ANO2: variants seen among roughly 807,000 people sequenced by gnomAD.
The protein encoded by ANO2 is anoctamin 2.
A neutral mutation model predicts 124.2 loss-of-function variants in ANO2; 101 were observed. The observed-to-expected ratio is 0.81, with a 90% CI of 0.69 to 0.96. The LOEUF is 0.96. Ranked by LOEUF, ANO2 falls within the 40% of genes least tolerant of loss-of-function variation. The pLI is 0.00. For synonymous variants in ANO2, 486 were observed against 482.5 expected (o/e 1.01, Z -0.09); for missense variants, 1,293 against 1,274.5 (o/e 1.01, Z -0.22).
At chr12:5,748,289 G>T (rs1236910178) in intron 11 of ANO2, among the ~76,000 whole-genome samples, 2 of 152,192 alleles carry the variant, frequency 1.3e-5, no homozygotes, top group African/African-American at 4.8e-5. Context: ...CCCACCCACT[G>T]CACTGGCACG....
intron 10 of ANO2, among the ~76,000 whole-genome samples, chr12:5,771,233 T>C (rs1369740628): frequency 1.3e-5 from 2 of 152,182 alleles, no homozygotes. Context: ...AGGTGGGTTA[T>C]AAAGCCTATC....
chr12:5,923,956 T>C (rs1941959231), intron 1 of ANO2, among the ~76,000 whole-genome samples: 1 of 152,168 alleles, frequency 6.6e-6, no homozygotes, highest in Non-Finnish European at 1.5e-5. Context: ...ATCTCAAACT[T>C]GCAGGATTGC....
At chr12:5,799,718 C>T (rs185158223) in intron 9 of ANO2, 147 bp from the exon 10 acceptor site, 40 of 721,576 alleles carry the variant, frequency 5.5e-5, no homozygotes, top group Admixed American at 4.0e-4. Flanking sequence ...TGTTCAGAAT[C>T]GGGAGGCTAT....
chr12:5,739,313 T>C lies in ANO2; in HGVS notation c.1434+4A>G. The C allele has an allele frequency of 6.3e-7, 1 of 1,595,758 alleles. No individual in the cohort carries two copies. Among genetic ancestry groups the C allele is most frequent in the Non-Finnish European group, 8.5e-7 (1 of 1,170,398 alleles). On this transcript the variant is annotated splice_donor_region_variant and intron_variant, in intron 13 of 24. Transcript: ENST00000682330. ...GTATGTGAGAAATACGTGAGAGAAC[T>C]CACTTCTTCCTCTTCTATGCCAGTC... is the stretch of plus-strand genomic sequence containing the variant.
At chr12:5,792,235 G>A (rs1952718310) in intron 10 of ANO2, among the ~76,000 whole-genome samples, 1 of 152,188 alleles carries the variant, frequency 6.6e-6, no homozygotes, top group African/African-American at 2.4e-5. Context: ...CTGGTCTAAA[G>A]GAATGTCCCC....
chr12:5,941,868 C>G (rs1299763210), intron 1 of ANO2, among the ~76,000 whole-genome samples: 1 of 152,070 alleles, frequency 6.6e-6, no homozygotes, highest in African/African-American at 2.4e-5. Context: ...AGGGCTGGGG[C>G]TGGGGGTGGA....
chr12:5,935,662 G>A (rs1393691468), intron 1 of ANO2, among the ~76,000 whole-genome samples: 1 of 152,166 alleles, frequency 6.6e-6, no homozygotes, highest in East Asian at 1.9e-4. Context: ...ATTCTGTGTG[G>A]AGAAGGAGCC....
intron 16 of ANO2, among the ~76,000 whole-genome samples, chr12:5,633,604 T>C: frequency 6.6e-6 from 1 of 151,884 alleles, no homozygotes. Flanking sequence ...AAAAAACACG[T>C]TCTGGTCAAC....
At chr12:5,926,578 C>T (rs12372694) in intron 1 of ANO2, among the ~76,000 whole-genome samples, 12,948 of 151,834 alleles carry the variant, frequency 0.085, 604 homozygotes, top group Middle Eastern at 0.12. Flanking sequence ...CTGGACCATG[C>T]TTCCCTACAC....
intron 23 of ANO2, among the ~76,000 whole-genome samples, chr12:5,571,370 CA>C (rs1942106307): frequency 6.6e-6 from 1 of 152,242 alleles, no homozygotes; most frequent in Non-Finnish European, 1.5e-5. Context: ...AGCATCGCTC[CA>C]AAATGCTGGG....
At chr12:5,883,006 C>A (rs1938608599) in intron 3 of ANO2, among the ~76,000 whole-genome samples, 1 of 152,122 alleles carries the variant, frequency 6.6e-6, no homozygotes, top group Non-Finnish European at 1.5e-5. Flanking sequence ...CTGTGGCTTC[C>A]CTGCCAGGGT....
chr12:5,591,616 C>T (rs750880609), intron 20 of ANO2, among the ~76,000 whole-genome samples: 1 of 152,114 alleles, frequency 6.6e-6, no homozygotes, highest in Admixed American at 6.5e-5. Context: ...TGGGAGAGAT[C>T]GTTCTCCTTG....
intron 14 of ANO2, among the ~76,000 whole-genome samples, chr12:5,683,789 G>A (rs1205292904): frequency 6.6e-6 from 1 of 152,048 alleles, no homozygotes; most frequent in Non-Finnish European, 1.5e-5. Context: ...ACTCAGTGAG[G>A]ACAGGGCAGG....
intron 16 of ANO2, among the ~76,000 whole-genome samples, chr12:5,629,607 C>G (rs1349485297): frequency 6.6e-6 from 1 of 152,186 alleles, no homozygotes; most frequent in African/African-American, 2.4e-5. Flanking sequence ...GCTTCCTCCC[C>G]TAGGACCCGG....
intron 3 of ANO2, among the ~76,000 whole-genome samples, chr12:5,857,245 T>A (rs1457226708): frequency 6.6e-6 from 1 of 152,172 alleles, no homozygotes; most frequent in Non-Finnish European, 1.5e-5. Context: ...CTTTTAGGCA[T>A]AGTAGGGGAG....
intron 7 of ANO2, among the ~76,000 whole-genome samples, chr12:5,821,534 G>T (rs1269086705): frequency 3.3e-5 from 5 of 152,234 alleles, no homozygotes; most frequent in African/African-American, 1.2e-4. Context: ...ATCCAATGGT[G>T]CTTGAGGTGT....
At chr12:5,927,735 T>C (rs1357586473) in intron 1 of ANO2, among the ~76,000 whole-genome samples, 1 of 152,256 alleles carries the variant, frequency 6.6e-6, no homozygotes, top group African/African-American at 2.4e-5. Flanking sequence ...TAAGCCCACA[T>C]GCTGATGGGG....
chr12:5,909,691 G>A (rs558937498), intron 3 of ANO2, among the ~76,000 whole-genome samples: 3 of 152,260 alleles, frequency 2.0e-5, no homozygotes, highest in South Asian at 4.1e-4. Context: ...GCATCATCCC[G>A]TGCCCCACAA....
chr12:5,635,200 T>G lies in ANO2; in HGVS notation c.1768A>C (p.Ile590Leu). The change falls in exon 16 of 25, where the codon ATC (isoleucine) becomes CTC (leucine). Residue 590 changes from isoleucine (I) to leucine (L), a missense_variant. Transcript: ENST00000682330. The surrounding 1 kb of genome is among the most constrained non-coding windows in gnomAD (Gnocchi z 5.2). Reference protein sequence around the residue: ...AVIINLVVILILDEIYGAVAK... With the variant: ...AVIINLVVILLLDEIYGAVAK... Reference sequence around the variant, plus strand: ...ACAGCGCCGTAGATCTCGTCCAGGATGAGGATGACCACGAGGTTGATGATG... The same window carrying G: ...ACAGCGCCGTAGATCTCGTCCAGGAGGAGGATGACCACGAGGTTGATGATG... 1.2e-6 allele frequency: 2 copies of G among 1,608,972 alleles called. No individual in the cohort carries two copies. Among genetic ancestry groups the G allele is most frequent in the African/African-American group, 1.3e-5 (1 of 74,776 alleles).
Sources: gnomAD v4.1 joint callset for allele counts (sites outside exome capture counted in the v4.1 genomes callset) on GRCh38, gnomAD v4.1.1 for gene constraint, Gnocchi (gnomAD v3.1) non-coding constraint, MANE v1.5 for transcripts, NCBI Gene and HGNC (gene_info 2026-07-23, HGNC 2026-07-21) for gene names.